Variants in FAM47E observed in about 807,000 individuals in gnomAD.
The protein encoded by FAM47E is family with sequence similarity 47 member E.
Under a neutral mutation model 41.6 loss-of-function variants are expected in FAM47E, and 32 were observed. The observed-to-expected ratio is 0.77, with a 90% CI of 0.58 to 1.03. The LOEUF is 1.03. Ranked by LOEUF, FAM47E falls within the 50% of genes least tolerant of loss-of-function variation. FAM47E has a pLI of 0.00. For missense variants in FAM47E, 424 were observed against 485.4 expected (o/e 0.87, Z 1.19); for synonymous variants, 184 against 188.7 (o/e 0.98, Z 0.20).
At chr4:76,249,857 C>T (rs1366848323), upstream of FAM47E, among the ~76,000 whole-genome samples, 1 of 152,110 alleles carries the variant, frequency 6.6e-6, no homozygotes, top group Non-Finnish European at 1.5e-5. Flanking sequence ...CAAGTTGCTA[C>T]TAATGCCATT....
intron 2 of FAM47E, 132 bp downstream of exon 2, chr4:76,256,655 C>T (rs1345918184): frequency 2.6e-6 from 3 of 1,171,938 alleles, no homozygotes; most frequent in East Asian, 2.6e-5. Context: ...CCCCAGGATG[C>T]GAGTTCTTAT....
At chr4:76,230,922 C>T (rs1222110881) in intron 2 of FAM47E, among the ~76,000 whole-genome samples, 1 of 152,188 alleles carries the variant, frequency 6.6e-6, no homozygotes, top group African/African-American at 2.4e-5. Context: ...CAGGAATCAG[C>T]CACGATCACC....
chr4:76,233,919 T>C (rs934264891), intron 2 of FAM47E, among the ~76,000 whole-genome samples: 2 of 152,218 alleles, frequency 1.3e-5, no homozygotes, highest in African/African-American at 4.8e-5. Flanking sequence ...TAAAAGTTAC[T>C]ACTGATGGGG....
intron 1 of FAM47E, among the ~76,000 whole-genome samples, chr4:76,254,938 G>A (rs866189632): frequency 1.3e-5 from 2 of 152,096 alleles, no homozygotes; most frequent in African/African-American, 2.4e-5. Flanking sequence ...CTAACAGGGC[G>A]CTGGTGGATA....
intron 4 of FAM47E, among the ~76,000 whole-genome samples, chr4:76,270,532 C>A (rs563212481): frequency 2.0e-4 from 31 of 152,300 alleles, no homozygotes; most frequent in African/African-American, 6.5e-4. Context: ...ACGACGCCCA[C>A]TATGCCTAGT....
At chr4:76,214,994 G>C (rs2109976043) in intron 1 of FAM47E, among the ~76,000 whole-genome samples, 1 of 152,352 alleles carries the variant, frequency 6.6e-6, no homozygotes, top group Non-Finnish European at 1.5e-5. Context: ...AAGGCCATTG[G>C]GGTGGGGAAT....
chr4:76,274,936 A>T (rs1055477621), intron 5 of FAM47E, among the ~76,000 whole-genome samples: 1 of 152,140 alleles, frequency 6.6e-6, no homozygotes, highest in African/African-American at 2.4e-5. Flanking sequence ...CAGAGAGTCC[A>T]TTGGGCTCCT....
intron 7 of FAM47E, chr4:76,281,443 T>C (rs1286964987): frequency 6.6e-6 from 1 of 151,694 alleles, no homozygotes; most frequent in Non-Finnish European, 1.5e-5. Context: ...AACTGCCTAA[T>C]CTGTATATAA....
intron 2 of FAM47E, among the ~76,000 whole-genome samples, chr4:76,222,159 T>A (rs1414911801): frequency 6.6e-6 from 1 of 152,190 alleles, no homozygotes; most frequent in Admixed American, 6.5e-5. Context: ...AAATACTACT[T>A]TTAAATTCAG....
chr4:76,262,788 G>T lies in FAM47E; in HGVS notation c.421-916G>T, dbSNP rs182681252. 9.7e-4 allele frequency among the ~76,000 whole-genome samples: 148 copies of T among 152,146 alleles called. 1 individual carries two copies. The highest frequency in any genetic ancestry group is 3.4e-3 in the Middle Eastern group (1 of 294). On this transcript the variant is annotated intron_variant, in intron 2 of 7. Coordinates refer to ENST00000424749, the MANE Select transcript of FAM47E (RefSeq NM_001136570.3). The stretch of plus-strand genomic sequence containing the variant: ...TTTTTTGTTTGTTTTTTTGAGACAG[G>T]TTCTCATTCTGTCACCTAAGCTGGA...
chr4:76,274,480 C>A (rs1181969642), intron 5 of FAM47E, among the ~76,000 whole-genome samples: 1 of 152,148 alleles, frequency 6.6e-6, no homozygotes, highest in Non-Finnish European at 1.5e-5. Flanking sequence ...ACTTGGGAGG[C>A]TGAGGCAGGA....
At chr4:76,278,364 G>T (rs1400179523) in intron 6 of FAM47E, 140 bp downstream of exon 6, 1 of 927,966 alleles carries the variant, frequency 1.1e-6, no homozygotes, top group Non-Finnish European at 1.5e-6. Context: ...ATTCAGCAAG[G>T]AGAAAGCTAA....
intron 2 of FAM47E, among the ~76,000 whole-genome samples, chr4:76,241,106 T>C (rs1010969938): frequency 6.6e-6 from 1 of 152,208 alleles, no homozygotes; most frequent in African/African-American, 2.4e-5. Context: ...TTATAGGCTG[T>C]CTCTGTGCTG....
At position 76,224,022 on chromosome 4, in the gene FAM47E, G is replaced by C. The variant is rs560197173; in HGVS notation, c.81+6334G>C. Among the ~76,000 whole-genome samples the C allele has an allele frequency of 3.3e-5, 5 of 152,252 alleles. No homozygotes were observed. The South Asian group carries it at 8.3e-4, about 25-fold the overall frequency. ...AATAAAATCTCCTGCCAAACCAGGA[G>C]ACCTCCCCACAAACACAGAAGGGAA... On this transcript the variant is annotated intron_variant, in intron 2 of 7. Coordinates refer to the FAM47E transcript ENST00000510197.
chr4:76,268,630 A>G, intron 3 of FAM47E, 30 bp from the exon 4 acceptor site: 1 of 1,544,600 alleles, frequency 6.5e-7, no homozygotes, highest in Non-Finnish European at 8.7e-7. Flanking sequence ...TGTGTCTCAT[A>G]TTGTAATTCT....
At chr4:76,252,303 A>C (rs887548272) in intron 1 of FAM47E, among the ~76,000 whole-genome samples, 1 of 152,106 alleles carries the variant, frequency 6.6e-6, no homozygotes, top group Non-Finnish European at 1.5e-5. Context: ...GGTGCTAGGG[A>C]GGTCTGCTAA....
At chr4:76,264,592 T>TTTTG (rs752906864) in intron 3 of FAM47E, among the ~76,000 whole-genome samples, 18 of 152,072 alleles carry the variant, frequency 1.2e-4, no homozygotes, top group South Asian at 6.2e-4. Context: ...GATACACATT[T>TTTTG]TTTGTTTGTT....
chr4:76,253,498 A>T (rs1376897008), intron 1 of FAM47E, among the ~76,000 whole-genome samples: 1 of 152,216 alleles, frequency 6.6e-6, no homozygotes, highest in Non-Finnish European at 1.5e-5. Context: ...GTTTTATTTT[A>T]TGGGCCAAGC....
At chr4:76,266,874 C>A (rs988932750) in intron 3 of FAM47E, among the ~76,000 whole-genome samples, 1 of 152,198 alleles carries the variant, frequency 6.6e-6, no homozygotes, top group African/African-American at 2.4e-5. Flanking sequence ...CAGCTCTTTG[C>A]ACATGCCATT....
Sources: gnomAD v4.1 joint callset for allele counts (sites outside exome capture counted in the v4.1 genomes callset) on GRCh38, gnomAD v4.1.1 for gene constraint, MANE v1.5 for transcripts, NCBI Gene and HGNC (gene_info 2026-07-23, HGNC 2026-07-21) for gene names.